ZNF638: variants seen among roughly 807,000 people sequenced by gnomAD.
ZNF638 encodes the protein zinc finger protein 638.
ZNF638 carries 46 observed loss-of-function variants against 195.6 expected under a neutral mutation model. That is an observed-to-expected ratio of 0.24 (90% CI 0.19 to 0.30). The LOEUF is 0.30. ZNF638 is among the 10% of genes least tolerant of loss of function. ZNF638 has a pLI of 1.00. For synonymous variants in ZNF638, 845 were observed against 772.0 expected, an observed-to-expected ratio of 1.09 and a Z score of -1.57; for missense variants, 2,440 against 2,325.3, an observed-to-expected ratio of 1.05 and a Z score of -1.01.
At chr2:71,341,462 C>G (rs1308940123) in intron 1 of ZNF638, among the ~76,000 whole-genome samples, 2 of 151,742 alleles carry the variant, frequency 1.3e-5, no homozygotes, top group African/African-American at 4.8e-5. Flanking sequence ...ATACCCCACC[C>G]CCCCATCATG....
intron 11 of ZNF638, among the ~76,000 whole-genome samples, chr2:71,397,393 T>C (rs994166037): frequency 6.6e-6 from 1 of 152,214 alleles, no homozygotes; most frequent in African/African-American, 2.4e-5. Flanking sequence ...TGACAAGCTA[T>C]AAGGATTTGT....
chr2:71,399,905 C>G (rs1161067660), intron 13 of ZNF638, among the ~76,000 whole-genome samples: 2 of 152,006 alleles, frequency 1.3e-5, no homozygotes, highest in Admixed American at 1.3e-4. Flanking sequence ...TTCTTTAGAT[C>G]ATCTTTAAGG....
At chr2:71,343,862 GGCTC>G (rs1321442466) in intron 1 of ZNF638, among the ~76,000 whole-genome samples, 5 of 47,270 alleles carry the variant, frequency 1.1e-4, no homozygotes, top group Non-Finnish European at 2.4e-4. Flanking sequence ...CAGGCGCGGT[GGCTC>G]ATGCCTGTAA....
At position 71,398,713 on chromosome 2, in the gene ZNF638, G is replaced by C; in HGVS notation, c.2441G>C (p.Ser814Thr). 1 of 1,613,308 alleles carries C rather than the reference G, an allele frequency of 6.2e-7. No individual in the cohort carries two copies. The highest frequency in any genetic ancestry group is 1.1e-5 in the South Asian group (1 of 91,062). ...KVNKSTGKSA[S>T]SVKSVVTVAV... Reference sequence around the variant, plus strand: ...TTTTGTGATTTAGGGAAATCAGCAAGTTCTGTAAAATCTGTGGTAACGGTA... The same window carrying C: ...TTTTGTGATTTAGGGAAATCAGCAACTTCTGTAAAATCTGTGGTAACGGTA... Residue 814 changes from serine (S) to threonine (T), a missense_variant, in exon 12 of 28, where the codon AGT becomes ACT. This residue lies in a region of ZNF638 where 1,883 missense variants were observed against 1,739.1 expected (regional missense o/e 1.08). Coordinates refer to ENST00000264447, the MANE Select transcript of ZNF638 (RefSeq NM_014497.5).
At chr2:71,339,731 A>C (rs550736085) in intron 1 of ZNF638, among the ~76,000 whole-genome samples, 1 of 152,126 alleles carries the variant, frequency 6.6e-6, no homozygotes, top group Non-Finnish European at 1.5e-5. Flanking sequence ...CAGCATTTGA[A>C]TTTTAGAAAC....
chr2:71,363,939 C>T lies in ZNF638; in HGVS notation c.1419-15C>T. ...AAATTGCTGATCACTTTCTTTTCCG[C>T]CCCCCTGCTTGTAGAAATGAGGGCA... On this transcript the variant is annotated splice_polypyrimidine_tract_variant and intron_variant, in intron 4 of 27. Coordinates refer to ENST00000264447, the MANE Select transcript of ZNF638 (RefSeq NM_014497.5). 2 of 1,591,448 alleles carry T rather than the reference C, an allele frequency of 1.3e-6. No homozygotes were observed. Among genetic ancestry groups the T allele is most frequent in the Non-Finnish European group, 1.7e-6 (2 of 1,169,566 alleles).
chr2:71,403,694 ATATTCT>A (rs1248823701), intron 16 of ZNF638, among the ~76,000 whole-genome samples, 170 bp from the exon 17 acceptor site: 4 of 152,042 alleles, frequency 2.6e-5, no homozygotes, highest in Non-Finnish European at 4.4e-5. Context: ...TATGGTTGTA[ATATTCT>A]TAGTCTTTGG....
In ZNF638 at chr2:71,357,336, C is replaced by T. The variant is rs144093424; in HGVS notation, c.1379+1556C>T. On this transcript the variant is annotated intron_variant, in intron 3 of 27. Transcript: ENST00000264447. The stretch of plus-strand genomic sequence containing the variant: ...AGATAAGTGTCACCTGGATCTTTTG[C>T]ACTAAGACTGGAAATTGGGGTTACT... Among the ~76,000 whole-genome samples, 829 of 152,258 alleles carry T rather than the reference C, an allele frequency of 5.4e-3. 11 individuals carry two copies. The highest frequency in any genetic ancestry group is 0.018 in the African/African-American group (768 of 41,542).
chr2:71,424,590 A>G, intron 22 of ZNF638, 60 bp from the exon 23 acceptor site: 1 of 1,389,762 alleles, frequency 7.2e-7, no homozygotes, highest in Non-Finnish European at 9.9e-7. Flanking sequence ...TTTTTTTTCC[A>G]GAACATTAAT....
In ZNF638 at chr2:71,431,330, A is replaced by T; in HGVS notation, c.5654A>T (p.Asp1885Val). 1.9e-6 allele frequency: 3 copies of T among 1,610,740 alleles called. No homozygotes were observed. The highest frequency in any genetic ancestry group is 2.5e-6 in the Non-Finnish European group (3 of 1,178,004). Residue 1885 changes from aspartate (D) to valine (V), a missense_variant, in exon 26 of 28, where the codon GAT (aspartate) becomes GTT (valine). Asp to Val is a radical substitution (Grantham distance 152, BLOSUM62 -3). This residue lies in a region of ZNF638 where 1,883 missense variants were observed against 1,739.1 expected (regional missense o/e 1.08). Transcript: ENST00000264447. Reference protein sequence around the residue: ...GEEAFQMSEVDEESGLKDSEP... With the variant: ...GEEAFQMSEVVEESGLKDSEP... Reference sequence around the variant, plus strand: ...TTTTTTCCTCGAAAAATTTTAGTTGATGAGGAATCTGGATTAAAGGATTCA... The same window carrying T: ...TTTTTTCCTCGAAAAATTTTAGTTGTTGAGGAATCTGGATTAAAGGATTCA...
chr2:71,332,794 A>C (rs1400456889), intron 1 of ZNF638: 1 of 152,176 alleles, frequency 6.6e-6, no homozygotes, highest in Non-Finnish European at 1.5e-5. Context: ...AGGCTACCTG[A>C]AGCTAATTTT....
chr2:71,377,015 G>A (rs1479650981), intron 8 of ZNF638, among the ~76,000 whole-genome samples: 1 of 152,184 alleles, frequency 6.6e-6, no homozygotes, highest in African/African-American at 2.4e-5. Flanking sequence ...GCTCATGCCT[G>A]TAATCCCAGC....
In ZNF638 at chr2:71,349,152, A is replaced by G. The variant is rs1259400550; in HGVS notation, c.198A>G (p.Pro66=). ...AGHESYQNMG[P]QRMNVQVTQH... ...ATGAATCTTATCAGAACATGGGGCC[A>G]CAGAGAATGAATGTTCAGGTAACTC... Residue 66 remains proline, a synonymous_variant, in exon 2 of 28, where the codon CCA becomes CCG. Transcript: ENST00000264447. 14 of 1,614,228 alleles carry G rather than the reference A, an allele frequency of 8.7e-6. No homozygotes were observed. The highest frequency in any genetic ancestry group is 1.1e-5 in the Non-Finnish European group (13 of 1,180,040).
intron 17 of ZNF638, among the ~76,000 whole-genome samples, chr2:71,404,567 A>G (rs2080068357): frequency 6.6e-6 from 1 of 152,062 alleles, no homozygotes; most frequent in Admixed American, 6.5e-5. Context: ...ACTTAAAATA[A>G]TTAGCTGGGC....
chr2:71,426,942 G>A lies in ZNF638; in HGVS notation c.5073G>A (p.Glu1691=), dbSNP rs1338474506. 1 of 1,613,756 alleles carries A rather than the reference G, an allele frequency of 6.2e-7. No homozygotes were observed. The highest frequency in any genetic ancestry group is 1.3e-5 in the African/African-American group (1 of 74,904). The change falls in exon 24 of 28, where the codon GAG becomes GAA. Residue 1691 remains glutamate, a synonymous_variant. Transcript: ENST00000264447. ...VTVDEIGEVE[E]LPLNESADIT... ...TGGATGAAATTGGAGAAGTGGAAGA[G>A]CTACCTTTGAATGAGTCAGCAGACA... is the stretch of plus-strand genomic sequence containing the variant.
At chr2:71,401,192 T>G (rs890751842) in intron 15 of ZNF638, among the ~76,000 whole-genome samples, 2 of 152,096 alleles carry the variant, frequency 1.3e-5, no homozygotes, top group African/African-American at 2.4e-5. Flanking sequence ...TGTAACTTCC[T>G]GCCTTTTTTT....
chr2:71,368,382 C>T lies in ZNF638; in HGVS notation c.1996C>T (p.Leu666Phe), dbSNP rs200894037. 1 of 1,606,040 alleles carries T rather than the reference C, an allele frequency of 6.2e-7. No individual in the cohort carries two copies. Among genetic ancestry groups the T allele is most frequent in the East Asian group, 2.2e-5 (1 of 44,600 alleles). ...AAATTTTCTTTCACTCCAAAAATAGCTTCGGAAAGAACAGTCATTGCATTA... is the reference window on the plus strand; with the variant it reads ...AAATTTTCTTTCACTCCAAAAATAGTTTCGGAAAGAACAGTCATTGCATTA... ...SDKAVSLQRK[L>F]RKEQSLHYGS... The change falls in exon 7 of 28, where the codon CTT becomes TTT. Residue 666 changes from leucine (L) to phenylalanine (F), a missense_variant and splice_region_variant. This residue lies in a region of ZNF638 where 1,883 missense variants were observed against 1,739.1 expected (regional missense o/e 1.08). Transcript: ENST00000264447.
At chr2:71,362,439 A>C (rs1399438001) in intron 3 of ZNF638, among the ~76,000 whole-genome samples, 1 of 151,930 alleles carries the variant, frequency 6.6e-6, no homozygotes, top group Non-Finnish European at 1.5e-5. Context: ...TTAAGTTCCC[A>C]TTGTTTTTTT....
chr2:71,427,888 A>G (rs949184329), intron 24 of ZNF638, among the ~76,000 whole-genome samples: 8 of 152,158 alleles, frequency 5.3e-5, no homozygotes, highest in Non-Finnish European at 1.0e-4. Flanking sequence ...GATAAACATA[A>G]TTTCCATTAA....
Sources: gnomAD v4.1 joint callset for allele counts (sites outside exome capture counted in the v4.1 genomes callset) on GRCh38, gnomAD v4.1.1 for gene constraint, gnomAD v4.1.1 regional missense constraint, MANE v1.5 for transcripts, NCBI Gene and HGNC (gene_info 2026-07-23, HGNC 2026-07-21) for gene names.